SYT7: variants seen among roughly 807,000 people sequenced by gnomAD.
The protein encoded by SYT7 is synaptotagmin 7.
A neutral mutation model predicts 75.1 loss-of-function variants in SYT7; 29 were observed. The observed-to-expected ratio is 0.39, with a 90% CI of 0.29 to 0.53. The LOEUF is 0.53. Among genes scored for constraint, SYT7 ranks in the 20% least tolerant of loss-of-function variants. SYT7 has a pLI of 0.77. For synonymous variants in SYT7, 376 were observed against 401.7 expected (o/e 0.94, Z 0.76); for missense variants, 693 against 953.2 (o/e 0.73, Z 3.59).
At position 61,518,421 on chromosome 11, in the gene SYT7, C is replaced by T. The variant is rs2062203793; in HGVS notation, c.*206G>A. On this transcript the variant is annotated 3_prime_UTR_variant, in exon 13 of 13. Transcript: ENST00000539008. ...CAAAGCAGGAAAATGCCTCCCAGAG[C>T]CCCTTCCCCGGAGCTGGACTGTGGG... The T allele has an allele frequency of 4.8e-6, 2 of 412,706 alleles. No homozygotes were observed. Among genetic ancestry groups the T allele is most frequent in the Non-Finnish European group, 4.3e-6 (1 of 233,648 alleles). 25.6% of individuals were successfully genotyped at this position (412,706 alleles called of 1,614,324 possible). A position where few individuals can be genotyped will look rare whatever the true frequency, so the allele number is the denominator to read the frequency against.
intron 1 of SYT7, among the ~76,000 whole-genome samples, chr11:61,566,658 C>T (rs1235714310): frequency 1.3e-5 from 2 of 152,118 alleles, no homozygotes; most frequent in African/African-American, 4.8e-5. Flanking sequence ...GGGGGCTCTT[C>T]ACCGGGAATG....
At chr11:61,518,804 A>C (rs1590807898) in intron 12 of SYT7, 73 bp from the exon 13 acceptor site, 2 of 1,104,340 alleles carry the variant, frequency 1.8e-6, no homozygotes. Context: ...CAGGGGTGAC[A>C]CCCCAACTCC....
At position 61,542,347 on chromosome 11, in the gene SYT7, G is replaced by T. The variant is rs1347904888; in HGVS notation, c.805C>A (p.Arg269=). 6.5e-7 allele frequency: 1 copy of T among 1,530,404 alleles called. No individual in the cohort carries two copies. The highest frequency in any genetic ancestry group is 8.7e-7 in the Non-Finnish European group (1 of 1,144,300). 94.8% of individuals were successfully genotyped at this position (1,530,404 alleles called of 1,614,324 possible). Residue 269 remains arginine (R), a synonymous_variant, in exon 6 of 13, where the codon CGG becomes AGG. Transcript: ENST00000539008. This position sits in a 1 kb window ranked among gnomAD's most constrained non-coding sequence, Gnocchi z 7.8. ...APGPNPRAYG[R]GQARQGTSAG... ...GAGGTGCCCTGCCGAGCCTGGCCCC[G>T]GCCATAGGCCCGGGGGTTGGGGCCT...
At chr11:61,545,364 G>A (rs1278519733) in intron 5 of SYT7, among the ~76,000 whole-genome samples, 1 of 152,200 alleles carries the variant, frequency 6.6e-6, no homozygotes, top group Non-Finnish European at 1.5e-5. Flanking sequence ...AGGAATACAC[G>A]GTCCCAACAG....
At chr11:61,520,204 T>A (rs1399298841) in intron 12 of SYT7, among the ~76,000 whole-genome samples, 1 of 146,830 alleles carries the variant, frequency 6.8e-6, no homozygotes, top group Non-Finnish European at 1.5e-5. Flanking sequence ...AACAGTGTAT[T>A]TTTTTTTTTT....
At chr11:61,543,906 C>T (rs2063115459) in intron 5 of SYT7, among the ~76,000 whole-genome samples, 1 of 152,168 alleles carries the variant, frequency 6.6e-6, no homozygotes, top group African/African-American at 2.4e-5. Context: ...TCAGGGGTTC[C>T]AATCTTCTCC....
Position 61,551,909 on chromosome 11 carries a change from G to A in SYT7, c.136-446C>T, listed in dbSNP as rs1435871041. ...GCAGTGGCCAGTGATGTGAGCAGTG[G>A]GGGCGGGGAGAAGGCCATGTCCCCA... On this transcript the variant is annotated intron_variant, in intron 2 of 12. Coordinates refer to ENST00000539008, the MANE Select transcript of SYT7 (RefSeq NM_001365809.2). This position sits in a 1 kb window ranked among gnomAD's most constrained non-coding sequence, Gnocchi z 5.3. 6.6e-6 allele frequency among the ~76,000 whole-genome samples: 1 copy of A among 152,168 alleles called. No homozygotes were observed. The highest frequency in any genetic ancestry group is 3.2e-3 in the Middle Eastern group (1 of 316).
intron 6 of SYT7, chr11:61,540,835 G>A (rs1028249709): frequency 1.1e-5 from 11 of 985,344 alleles, no homozygotes; most frequent in Non-Finnish European, 1.3e-5. Flanking sequence ...CAAGATCCAC[G>A]CCTGGATCAC....
At position 61,523,805 on chromosome 11, in the gene SYT7, C is replaced by T. The variant is rs2062424114; in HGVS notation, c.1756+22G>A. 1 of 1,610,102 alleles carries T rather than the reference C, an allele frequency of 6.2e-7. No homozygotes were observed. Among genetic ancestry groups the T allele is most frequent in the African/African-American group, 1.3e-5 (1 of 74,934 alleles). On this transcript the variant is annotated intron_variant, in intron 11 of 12. Transcript: ENST00000539008. The surrounding 1 kb of genome is among the most constrained non-coding windows in gnomAD (Gnocchi z 5.0). ...CCAGCACCTCCCCGGCCCGCCCATC[C>T]TCTGCTGGAGAAGCCCCGTACCTGA...
intron 9 of SYT7, chr11:61,525,635 C>T (rs1180846571): frequency 1.3e-5 from 2 of 152,096 alleles, no homozygotes; most frequent in African/African-American, 4.8e-5. Flanking sequence ...CTGTCTCTTT[C>T]CCTGATTTTT....
At chr11:61,587,957 C>A in the SYT7 span, among the ~76,000 whole-genome samples, 680 of 152,318 alleles carry the variant, frequency 4.5e-3, 10 homozygotes, top group African/African-American at 0.016. Flanking sequence ...CTGAGGGATC[C>A]CCAACCCCAG....
intron 8 of SYT7, among the ~76,000 whole-genome samples, chr11:61,528,995 A>G (rs1159235829): frequency 6.6e-6 from 1 of 152,130 alleles, no homozygotes; most frequent in African/African-American, 2.4e-5. Context: ...AACCACAGGA[A>G]GCAGCTGGGA....
At chr11:61,541,328 G>C (rs1176496800) in intron 6 of SYT7, 11 of 984,806 alleles carry the variant, frequency 1.1e-5, no homozygotes, top group South Asian at 9.4e-5. Flanking sequence ...GGGCAAAGGA[G>C]GGGGGTGATG....
At chr11:61,538,066 G>C in intron 7 of SYT7, 78 bp downstream of exon 7, 1 of 1,516,172 alleles carries the variant, frequency 6.6e-7, no homozygotes, top group Non-Finnish European at 8.8e-7. Context: ...TCCAGCAGCC[G>C]GGGCCGGTCG....
chr11:61,528,328 G>A, intron 8 of SYT7, 143 bp from the exon 9 acceptor site: 1 of 1,063,110 alleles, frequency 9.4e-7, no homozygotes, highest in Non-Finnish European at 1.3e-6. Context: ...GGCTCAGAGG[G>A]CAGGTGCCTT....
At chr11:61,532,691 A>G (rs556532043) in intron 8 of SYT7, among the ~76,000 whole-genome samples, 24 of 152,310 alleles carry the variant, frequency 1.6e-4, no homozygotes, top group African/African-American at 5.1e-4. Context: ...CCCCTTCTCA[A>G]TCCACAAAGG....
At chr11:61,562,647 A>G (rs2063668201) in intron 1 of SYT7, among the ~76,000 whole-genome samples, 1 of 152,118 alleles carries the variant, frequency 6.6e-6, no homozygotes, top group African/African-American at 2.4e-5. Context: ...ATATTACTCA[A>G]TTTTGTGCAC....
chr11:61,527,008 G>A (rs1398714012), intron 9 of SYT7, among the ~76,000 whole-genome samples: 2 of 152,258 alleles, frequency 1.3e-5, no homozygotes, highest in East Asian at 1.9e-4. Context: ...AAAGGGTTAC[G>A]GTTTGTCTAA....
chr11:61,536,462 T>A (rs549113244), intron 7 of SYT7, among the ~76,000 whole-genome samples: 54 of 152,186 alleles, frequency 3.5e-4, no homozygotes, highest in Non-Finnish European at 7.2e-4. Context: ...ACCCCCTGTG[T>A]GCCTTCTCGC....
Sources: allele counts gnomAD v4.1 joint callset (sites outside exome capture counted in the v4.1 genomes callset), GRCh38; gene constraint gnomAD v4.1.1; non-coding constraint Gnocchi (gnomAD v3.1); transcripts MANE v1.5; gene names NCBI Gene and HGNC (gene_info 2026-07-23, HGNC 2026-07-21).